Variants in SPAG17 observed in about 807,000 individuals in gnomAD.
SPAG17 encodes the protein sperm-associated antigen 17.
SPAG17 carries 169 observed loss-of-function variants against 273.6 expected under a neutral mutation model. That is an observed-to-expected ratio of 0.62 (90% CI 0.55 to 0.70). The LOEUF (loss-of-function observed/expected upper bound fraction) is 0.70, where lower values mean the gene tolerates loss of function less well. SPAG17 is among the 30% of genes least tolerant of loss of function. SPAG17 has a pLI of 0.00. For synonymous variants in SPAG17, 825 were observed against 873.2 expected (o/e 0.94, Z 0.97); for missense variants, 2,557 against 2,627.8 (o/e 0.97, Z 0.59).
chr1:118,112,100 G>C (rs1213581415), intron 4 of SPAG17, among the ~76,000 whole-genome samples: 1 of 151,866 alleles, frequency 6.6e-6, no homozygotes, highest in Middle Eastern at 3.2e-3. Context: ...ATGACTTTTT[G>C]TATCGAAGCT....
chr1:118,151,197 C>T (rs749691145), intron 2 of SPAG17, 32 bp downstream of exon 2: 1 of 1,472,486 alleles, frequency 6.8e-7, no homozygotes, highest in African/African-American at 1.4e-5. Context: ...AAAAAGTCTT[C>T]AGGTGGCTTT....
intron 17 of SPAG17, among the ~76,000 whole-genome samples, chr1:118,069,407 T>C (rs942505820): frequency 7.5e-5 from 11 of 147,128 alleles, no homozygotes; most frequent in Admixed American, 2.1e-4. Context: ...TTTGGAGGTA[T>C]ACCCCTTAAA....
rs761771982 is a variant in SPAG17, at chr1:117,981,310, A to G, written c.5964T>C (p.Thr1988=). 4.4e-6 allele frequency: 7 copies of G among 1,595,202 alleles called. No individual in the cohort carries two copies. The highest frequency in any genetic ancestry group is 4.1e-5 in the African/African-American group (3 of 73,492). ...TTAAATTTTCAGTTTGGTTCTGAGC[A>G]GTGAAATCCTTCTTATCTGCAGAAA... ...PEISADKKDF[T]AQNQTENLTK... The change falls in exon 43 of 49, where the codon ACT becomes ACC. Residue 1988 remains threonine (T), a synonymous_variant. Coordinates refer to ENST00000336338, the MANE Select transcript of SPAG17 (RefSeq NM_206996.4).
At chr1:117,980,938 C>A (rs1416060439) in intron 43 of SPAG17, among the ~76,000 whole-genome samples, 2 of 152,172 alleles carry the variant, frequency 1.3e-5, no homozygotes, top group African/African-American at 4.8e-5. Context: ...TCAAGAAAAG[C>A]TATCAGTGTC....
chr1:117,984,416 AG>A (rs1444852308), intron 41 of SPAG17, among the ~76,000 whole-genome samples: 2 of 152,270 alleles, frequency 1.3e-5, no homozygotes, highest in African/African-American at 4.8e-5. Flanking sequence ...TAGATGGGAG[AG>A]GGTAAGTAAT....
At chr1:118,167,464 A>C (rs985110023) in intron 1 of SPAG17, among the ~76,000 whole-genome samples, 12 of 152,172 alleles carry the variant, frequency 7.9e-5, no homozygotes, top group Non-Finnish European at 1.8e-4. Context: ...TATTTATGAT[A>C]CTTAAAGAAA....
chr1:117,985,856 C>T (rs1365899976), intron 40 of SPAG17, among the ~76,000 whole-genome samples: 3 of 152,094 alleles, frequency 2.0e-5, no homozygotes, highest in Non-Finnish European at 4.4e-5. Flanking sequence ...AATCACATTA[C>T]CAATAAAGGG....
chr1:118,163,154 C>A (rs1375575780), intron 1 of SPAG17, among the ~76,000 whole-genome samples: 2 of 152,174 alleles, frequency 1.3e-5, no homozygotes, highest in Non-Finnish European at 2.9e-5. Context: ...GCCACATTAT[C>A]TTTTCGTGCT....
At chr1:118,107,446 G>C (rs1656468591) in intron 4 of SPAG17, among the ~76,000 whole-genome samples, 1 of 152,072 alleles carries the variant, frequency 6.6e-6, no homozygotes, top group African/African-American at 2.4e-5. Context: ...TGGGAGACTG[G>C]AGAACAGTAT....
chr1:118,060,787 G>GTAC (rs1231901632), intron 18 of SPAG17, among the ~76,000 whole-genome samples: 3 of 151,978 alleles, frequency 2.0e-5, no homozygotes, highest in Non-Finnish European at 2.9e-5. Flanking sequence ...CATTTGCTGG[G>GTAC]TACAGTATTC....
intron 43 of SPAG17, among the ~76,000 whole-genome samples, chr1:117,975,335 G>A (rs1393030746): frequency 6.6e-6 from 1 of 152,158 alleles, no homozygotes; most frequent in South Asian, 2.1e-4. Flanking sequence ...TCTGTGGTTT[G>A]CTTTTGGTCA....
In SPAG17 at chr1:117,953,826, C is replaced by T; in HGVS notation, c.*224G>A. 2 of 612,956 alleles carry T rather than the reference C, an allele frequency of 3.3e-6. No individual in the cohort carries two copies. Among genetic ancestry groups the T allele is most frequent in the Non-Finnish European group, 5.6e-6 (2 of 355,310 alleles). The allele number at this position is 612,956 out of a possible 1,614,324, so 38.0% of individuals were successfully genotyped here. A position where few individuals can be genotyped will look rare whatever the true frequency, so the allele number is the denominator to read the frequency against. ...CATGACACTCAGTCTCTTCCCTGTACATTAAAAAATAAGAAAACCAAAAAT... is the reference window on the plus strand; with the variant it reads ...CATGACACTCAGTCTCTTCCCTGTATATTAAAAAATAAGAAAACCAAAAAT... On this transcript the variant is annotated 3_prime_UTR_variant, in exon 49 of 49. Transcript: ENST00000336338.
chr1:118,036,043 C>T (rs533438267), intron 24 of SPAG17, among the ~76,000 whole-genome samples: 57 of 152,150 alleles, frequency 3.7e-4, no homozygotes, highest in African/African-American at 1.2e-3. Flanking sequence ...AAATAATTAG[C>T]CAGGTGTGGT....
rs774641509 is a variant in SPAG17, at chr1:117,996,436, ATTC to A, written c.4984_4986del (p.Glu1662del). The A allele has an allele frequency of 6.2e-7, 1 of 1,613,140 alleles. No individual in the cohort carries two copies. Among genetic ancestry groups the A allele is most frequent in the South Asian group, 1.1e-5 (1 of 91,020 alleles). On this transcript the variant is annotated inframe_deletion, in exon 34 of 49. Transcript: ENST00000336338. ...GATTCTTTATATGCCAAAGATAGATATTCTTCTATGTCACTGTCTCGAAGAAGT... is the reference window on the plus strand; with the variant it reads ...GATTCTTTATATGCCAAAGATAGATATTCTATGTCACTGTCTCGAAGAAGT...
chr1:118,173,889 G>T (rs1308620267), intron 1 of SPAG17, among the ~76,000 whole-genome samples: 1 of 146,538 alleles, frequency 6.8e-6, no homozygotes, highest in Non-Finnish European at 1.5e-5. Context: ...TACACACACA[G>T]AGCCAGGAAG....
chr1:117,963,359 A>G (rs2101396047), intron 48 of SPAG17: 1 of 152,354 alleles, frequency 6.6e-6, no homozygotes, highest in South Asian at 2.1e-4. Flanking sequence ...ATTTAAACAA[A>G]TATTTTCTTT....
chr1:117,956,104 A>G (rs958608773), intron 48 of SPAG17, among the ~76,000 whole-genome samples: 2 of 152,126 alleles, frequency 1.3e-5, no homozygotes, highest in African/African-American at 4.8e-5. Flanking sequence ...ACATTTCAGC[A>G]TATTTGTTGA....
chr1:118,037,061 G>C (rs1557939472), intron 23 of SPAG17, among the ~76,000 whole-genome samples, 178 bp from the exon 24 acceptor site: 1 of 152,214 alleles, frequency 6.6e-6, no homozygotes, highest in East Asian at 1.9e-4. Flanking sequence ...GAATTACAAA[G>C]ACAAGAATAT....
At chr1:118,006,455 C>G (rs1025094888) in intron 31 of SPAG17, among the ~76,000 whole-genome samples, 8 of 152,170 alleles carry the variant, frequency 5.3e-5, no homozygotes, top group Admixed American at 4.6e-4. Flanking sequence ...AAGTAATATT[C>G]CATTGTATGG....
Sources: gnomAD v4.1 joint callset for allele counts (sites outside exome capture counted in the v4.1 genomes callset) on GRCh38, gnomAD v4.1.1 for gene constraint, MANE v1.5 for transcripts, NCBI Gene and HGNC (gene_info 2026-07-23, HGNC 2026-07-21) for gene names.